The following KAT2B variants were observed in gnomAD, a reference collection of about 807,000 sequenced individuals.
KAT2B encodes lysine acetyltransferase 2B, also known as histone acetyltransferase KAT2B.
In KAT2B, 36 loss-of-function variants were observed where a neutral mutation model predicts 105.9. The observed-to-expected ratio is 0.34, with a 90% CI of 0.26 to 0.45. The LOEUF (loss-of-function observed/expected upper bound fraction) is 0.45, where lower values mean the gene tolerates loss of function less well. Ranked by LOEUF, KAT2B falls within the 20% of genes least tolerant of loss-of-function variation. The pLI is 1.00. For synonymous variants in KAT2B, 397 were observed against 377.9 expected (o/e 1.05, Z -0.59); for missense variants, 820 against 1,021.6 (o/e 0.80, Z 2.69).
chr3:20,148,105 T>G (rs1393740283), intron 15 of KAT2B, 106 bp downstream of exon 15: 2 of 1,370,060 alleles, frequency 1.5e-6, no homozygotes, highest in African/African-American at 2.9e-5. Flanking sequence ...AACACAACAG[T>G]TGGTGGGTTT....
chr3:20,051,566 A>G (rs1697916656), intron 1 of KAT2B, among the ~76,000 whole-genome samples: 1 of 152,216 alleles, frequency 6.6e-6, no homozygotes, highest in African/African-American at 2.4e-5. Context: ...TCCAGTGGGC[A>G]ATGCCACCTT....
At chr3:20,069,558 C>A (rs1254096727) in intron 1 of KAT2B, among the ~76,000 whole-genome samples, 1 of 147,246 alleles carries the variant, frequency 6.8e-6, no homozygotes, top group African/African-American at 2.5e-5. Context: ...CAGAGTCTCA[C>A]TCTGTCGCTC....
chr3:20,085,673 G>C (rs1286603196), intron 2 of KAT2B, among the ~76,000 whole-genome samples: 2 of 151,802 alleles, frequency 1.3e-5, no homozygotes, highest in Admixed American at 6.6e-5. Flanking sequence ...ACCACACCCG[G>C]CTATTTTTTG....
At chr3:20,069,896 C>G (rs1385530247) in intron 1 of KAT2B, among the ~76,000 whole-genome samples, 1 of 152,162 alleles carries the variant, frequency 6.6e-6, no homozygotes, top group Non-Finnish European at 1.5e-5. Context: ...TTGCCATATT[C>G]TCCTATTCAC....
rs1341913004 is a variant in KAT2B at position 20,040,503 on chromosome 3, C to G, written c.26C>G (p.Pro9Arg). The G allele has an allele frequency of 2.1e-5, 22 of 1,028,426 alleles. No homozygotes were observed. The highest frequency in any genetic ancestry group is 2.4e-5 in the Non-Finnish European group (21 of 858,840). 63.7% of individuals were successfully genotyped at this position (1,028,426 alleles called of 1,614,324 possible). ...ATGTCCGAGGCTGGCGGGGCCGGGC[C>G]GGGCGGCTGCGGGGCAGGAGCCGGG... MSEAGGAG[P>R]GGCGAGAGAG... The change falls in exon 1 of 18, where the codon CCG (proline) becomes CGG (arginine). Residue 9 changes from proline to arginine, a missense_variant. Physicochemically the swap from Pro to Arg is moderately radical, Grantham distance 103 (BLOSUM62 -2). Transcript: ENST00000263754.
chr3:20,062,660 C>T (rs998230635), intron 1 of KAT2B, among the ~76,000 whole-genome samples: 2 of 151,522 alleles, frequency 1.3e-5, no homozygotes, highest in Non-Finnish European at 2.9e-5. Flanking sequence ...CGGGGTTTCG[C>T]CTTGTTTGCC....
intron 1 of KAT2B, among the ~76,000 whole-genome samples, chr3:20,049,811 A>T (rs571454174): frequency 8.1e-4 from 124 of 152,354 alleles, no homozygotes; most frequent in Non-Finnish European, 1.4e-3. Flanking sequence ...CTGGCCCAAT[A>T]GAATTCTCTG....
chr3:20,078,699 A>G (rs1698465014), intron 2 of KAT2B, among the ~76,000 whole-genome samples: 1 of 148,424 alleles, frequency 6.7e-6, no homozygotes, highest in South Asian at 2.1e-4. Context: ...ATGTGTATAT[A>G]TATGTATATA....
chr3:20,079,752 G>A (rs1011325583), intron 2 of KAT2B, among the ~76,000 whole-genome samples: 1 of 152,236 alleles, frequency 6.6e-6, no homozygotes, highest in East Asian at 1.9e-4. Context: ...GCCAAAGGAC[G>A]TAAACATGGG....
intron 11 of KAT2B, among the ~76,000 whole-genome samples, chr3:20,129,617 C>A (rs183750137): frequency 5.3e-5 from 8 of 152,194 alleles, no homozygotes; most frequent in African/African-American, 1.4e-4. Flanking sequence ...CTCAGGTGAT[C>A]TGCCCTCCCT....
chr3:20,082,227 G>A (rs1273068223), intron 2 of KAT2B, among the ~76,000 whole-genome samples: 1 of 151,906 alleles, frequency 6.6e-6, no homozygotes, highest in Non-Finnish European at 1.5e-5. Flanking sequence ...TAGAGATGGG[G>A]TTTCATCATG....
chr3:20,100,467 TAA>T (rs1698891357), intron 4 of KAT2B, among the ~76,000 whole-genome samples: 8 of 152,220 alleles, frequency 5.3e-5, no homozygotes, highest in Admixed American at 4.6e-4. Context: ...TGTTAAAATG[TAA>T]AGAGTTTTTC....
intron 2 of KAT2B, among the ~76,000 whole-genome samples, chr3:20,076,172 A>G (rs539857799): frequency 1.3e-5 from 2 of 152,300 alleles, no homozygotes; most frequent in East Asian, 3.9e-4. Context: ...AAGGGTTTTA[A>G]GAGCTTGTGA....
chr3:20,048,012 T>C (rs1697846005), intron 1 of KAT2B, among the ~76,000 whole-genome samples: 1 of 152,324 alleles, frequency 6.6e-6, no homozygotes, highest in South Asian at 2.1e-4. Flanking sequence ...AGGCTTCAGA[T>C]AGGCAATATT....
intron 5 of KAT2B, among the ~76,000 whole-genome samples, chr3:20,110,012 AT>A (rs1699091201): frequency 6.6e-6 from 1 of 152,126 alleles, no homozygotes; most frequent in Non-Finnish European, 1.5e-5. Flanking sequence ...CAGGCAAAAT[AT>A]TTTATAATGC....
At chr3:20,077,556 A>G (rs572551986) in intron 2 of KAT2B, among the ~76,000 whole-genome samples, 5 of 152,360 alleles carry the variant, frequency 3.3e-5, no homozygotes, top group African/African-American at 1.2e-4. Context: ...TGAAGACATC[A>G]TAAGCAAAAA....
intron 3 of KAT2B, among the ~76,000 whole-genome samples, chr3:20,099,410 C>A (rs2125197588): frequency 6.6e-6 from 1 of 152,310 alleles, no homozygotes; most frequent in Non-Finnish European, 1.5e-5. Context: ...CTTGGTCTCT[C>A]ACGTCTTTAA....
chr3:20,043,427 T>C (rs1697753716), intron 1 of KAT2B, among the ~76,000 whole-genome samples: 1 of 152,130 alleles, frequency 6.6e-6, no homozygotes, highest in African/African-American at 2.4e-5. Flanking sequence ...GAAAAACTAC[T>C]TTCTTGGAGT....
intron 1 of KAT2B, among the ~76,000 whole-genome samples, chr3:20,063,447 T>C (rs548257025): frequency 6.6e-6 from 1 of 151,480 alleles, no homozygotes; most frequent in South Asian, 2.1e-4. Flanking sequence ...CTTTCTTTTT[T>C]TTTCTTTTGA....
Sources: allele counts gnomAD v4.1 joint callset (sites outside exome capture counted in the v4.1 genomes callset), GRCh38; gene constraint gnomAD v4.1.1; transcripts MANE v1.5; gene names NCBI Gene and HGNC (gene_info 2026-07-23, HGNC 2026-07-21).